The following HSF2BP variants were observed in gnomAD, a reference collection of about 807,000 sequenced individuals.
The protein encoded by HSF2BP is heat shock transcription factor 2 binding protein.
In HSF2BP, 35 loss-of-function variants were observed where a neutral mutation model predicts 35.0. The observed-to-expected ratio is 1.00, with a 90% CI of 0.76 to 1.32. HSF2BP has a LOEUF of 1.32. HSF2BP is among the 40% of genes most tolerant of loss of function. The pLI, the probability that HSF2BP is intolerant of heterozygous loss-of-function variation, is 0.00. For missense variants in HSF2BP, 326 were observed against 321.7 expected (o/e 1.01, Z -0.10); for synonymous variants, 114 against 117.4 (o/e 0.97, Z 0.18).
intron 3 of HSF2BP, among the ~76,000 whole-genome samples, chr21:43,649,988 T>C (rs1305616801): frequency 6.6e-6 from 1 of 152,224 alleles, no homozygotes; most frequent in Non-Finnish European, 1.5e-5. Context: ...GGATTGTGTC[T>C]TCTTGCGACT....
intron 3 of HSF2BP, among the ~76,000 whole-genome samples, chr21:43,649,548 A>G (rs2082754873): frequency 6.6e-6 from 1 of 152,306 alleles, no homozygotes; most frequent in East Asian, 1.9e-4. Context: ...GTTCACATTA[A>G]CATCAAAAAA....
At chr21:43,635,093 C>T (rs1199687734) in intron 4 of HSF2BP, among the ~76,000 whole-genome samples, 2 of 150,924 alleles carry the variant, frequency 1.3e-5, no homozygotes, top group Non-Finnish European at 3.0e-5. Context: ...AAAAAACAAA[C>T]AAACCTCAAA....
chr21:43,622,888 T>C (rs560550130), intron 6 of HSF2BP, among the ~76,000 whole-genome samples: 1 of 152,220 alleles, frequency 6.6e-6, no homozygotes, highest in Non-Finnish European at 1.5e-5. Flanking sequence ...CATCAGCATA[T>C]GGAACATTCT....
In HSF2BP at chr21:43,603,963, G is replaced by A. The variant is rs185359112; in HGVS notation, c.692+9867C>T. Among the ~76,000 whole-genome samples the A allele has an allele frequency of 1.5e-3, 227 of 152,214 alleles. 2 individuals carry two copies. The highest frequency in any genetic ancestry group is 5.2e-3 in the African/African-American group (216 of 41,508). On this transcript the variant is annotated intron_variant, in intron 7 of 8. Coordinates refer to ENST00000291560, the MANE Select transcript of HSF2BP (RefSeq NM_007031.2). ...CACCACTGACCTGCAGGGCCCACAGGGATTTCTGGGGGAGGCAAAAAGAAC... is the reference window on the plus strand; with the variant it reads ...CACCACTGACCTGCAGGGCCCACAGAGATTTCTGGGGGAGGCAAAAAGAAC...
intron 7 of HSF2BP, among the ~76,000 whole-genome samples, chr21:43,601,406 T>A (rs554538465): frequency 2.3e-4 from 35 of 152,364 alleles, no homozygotes; most frequent in African/African-American, 8.4e-4. Context: ...TTTCCCATGT[T>A]TATGAAGCTG....
Position 43,589,242 on chromosome 21 carries a change from TC to T in HSF2BP, c.796+2982del, listed in dbSNP as rs560912298. On this transcript the variant is annotated intron_variant, in intron 8 of 8. Coordinates refer to ENST00000291560, the MANE Select transcript of HSF2BP (RefSeq NM_007031.2). The stretch of plus-strand genomic sequence containing the variant: ...GCTCTGGAAGGAGACAGTATCTCTG[TC>T]CTCTAAGGATGTCTGCTATACACAC... 8.3e-4 allele frequency among the ~76,000 whole-genome samples: 126 copies of T among 152,250 alleles called. 1 individual carries two copies. The highest frequency in any genetic ancestry group is 3.5e-3 in the East Asian group (18 of 5,172).
At chr21:43,573,698 G>A (rs1232274257) in intron 8 of HSF2BP, among the ~76,000 whole-genome samples, 1 of 152,118 alleles carries the variant, frequency 6.6e-6, no homozygotes. Context: ...TGGCGTCCTG[G>A]GGGGAAGGCC....
chr21:43,624,728 G>A (rs1487020958), intron 6 of HSF2BP, among the ~76,000 whole-genome samples: 1 of 152,094 alleles, frequency 6.6e-6, no homozygotes, highest in Non-Finnish European at 1.5e-5. Context: ...CCAGAGACAA[G>A]GAGTACAATC....
intron 7 of HSF2BP, among the ~76,000 whole-genome samples, chr21:43,596,886 C>CAAA (rs869038891): frequency 6.5e-5 from 2 of 30,664 alleles, no homozygotes; most frequent in African/African-American, 2.7e-4. Flanking sequence ...GACCCTGTCT[C>CAAA]AAAAAAAAAA....
At chr21:43,655,948 A>C (rs1291813348) in intron 3 of HSF2BP, among the ~76,000 whole-genome samples, 1 of 152,240 alleles carries the variant, frequency 6.6e-6, no homozygotes, top group East Asian at 1.9e-4. Flanking sequence ...GAGGGCACAC[A>C]GGGAGGGATA....
At chr21:43,623,285 C>T (rs991981230) in intron 6 of HSF2BP, among the ~76,000 whole-genome samples, 2 of 152,004 alleles carry the variant, frequency 1.3e-5, no homozygotes, top group Non-Finnish European at 2.9e-5. Context: ...AAACAACATA[C>T]CAAAATCTCT....
intron 3 of HSF2BP, among the ~76,000 whole-genome samples, chr21:43,645,999 G>A (rs2082703691): frequency 6.6e-6 from 1 of 151,972 alleles, no homozygotes; most frequent in South Asian, 2.1e-4. Flanking sequence ...CATAAAATTG[G>A]CTGGCAAAGC....
chr21:43,615,945 T>C (rs1256151581), intron 6 of HSF2BP, among the ~76,000 whole-genome samples: 1 of 151,638 alleles, frequency 6.6e-6, no homozygotes, highest in African/African-American at 2.4e-5. Context: ...GACCAAACTG[T>C]AGACCCATGA....
chr21:43,639,661 G>A (rs1468866455), intron 4 of HSF2BP, among the ~76,000 whole-genome samples: 1 of 151,628 alleles, frequency 6.6e-6, no homozygotes, highest in African/African-American at 2.4e-5. Flanking sequence ...CATGGAGAAA[G>A]TGAATCACTC....
intron 8 of HSF2BP, among the ~76,000 whole-genome samples, chr21:43,590,237 C>T (rs73367810): frequency 0.011 from 1,655 of 152,264 alleles, 33 homozygotes; most frequent in African/African-American, 0.036. Context: ...AAAGAAGTTA[C>T]GTGAATGGCA....
chr21:43,623,998 A>G (rs943712646), intron 6 of HSF2BP, among the ~76,000 whole-genome samples: 1 of 152,198 alleles, frequency 6.6e-6, no homozygotes, highest in Non-Finnish European at 1.5e-5. Context: ...CACACCTAGA[A>G]AAAGATGGGC....
chr21:43,619,503 C>T (rs538692747), intron 6 of HSF2BP, among the ~76,000 whole-genome samples: 2 of 152,296 alleles, frequency 1.3e-5, no homozygotes, highest in South Asian at 4.1e-4. Flanking sequence ...GCTCAGACAG[C>T]TCTCACGGCA....
chr21:43,606,093 G>A (rs1044306922), intron 7 of HSF2BP, among the ~76,000 whole-genome samples: 1 of 152,208 alleles, frequency 6.6e-6, no homozygotes, highest in Non-Finnish European at 1.5e-5. Flanking sequence ...AGAGCAGGAA[G>A]TAAAGCCGCC....
chr21:43,622,613 G>C (rs186240286), intron 6 of HSF2BP, among the ~76,000 whole-genome samples: 4 of 152,294 alleles, frequency 2.6e-5, no homozygotes, highest in Non-Finnish European at 5.9e-5. Flanking sequence ...AACTCAGCTA[G>C]AGGATATAAC....
Sources: gnomAD v4.1 joint callset for allele counts (sites outside exome capture counted in the v4.1 genomes callset) on GRCh38, gnomAD v4.1.1 for gene constraint, MANE v1.5 for transcripts, NCBI Gene and HGNC (gene_info 2026-07-23, HGNC 2026-07-21) for gene names.